Variants in DLGAP1 observed in about 807,000 individuals in gnomAD.
The protein encoded by DLGAP1 is DLG associated protein 1.
In DLGAP1, 11 loss-of-function variants were observed where a neutral mutation model predicts 90.8. That is an observed-to-expected ratio of 0.12 (90% CI 0.08 to 0.20). The LOEUF (loss-of-function observed/expected upper bound fraction) is 0.20. DLGAP1 is among the 10% of genes least tolerant of loss of function. The pLI is 1.00. For missense variants in DLGAP1, 1,050 were observed against 1,333.8 expected (o/e 0.79, Z 3.31); for synonymous variants, 558 against 540.7 (o/e 1.03, Z -0.44).
intron 4 of DLGAP1, among the ~76,000 whole-genome samples, chr18:3,830,534 C>G (rs1385360168): frequency 6.6e-6 from 1 of 152,206 alleles, no homozygotes; most frequent in Non-Finnish European, 1.5e-5. Flanking sequence ...CCATTGCACT[C>G]CAGCCTGGGA....
chr18:4,336,100 C>T (rs186001792), intron 1 of DLGAP1, among the ~76,000 whole-genome samples: 5 of 152,322 alleles, frequency 3.3e-5, no homozygotes, highest in South Asian at 2.1e-4. Flanking sequence ...TACTGCAGTA[C>T]GTCTATTACA....
chr18:3,703,023 G>A (rs1356269632), intron 7 of DLGAP1, among the ~76,000 whole-genome samples: 2 of 152,152 alleles, frequency 1.3e-5, no homozygotes, highest in Non-Finnish European at 2.9e-5. Context: ...TTCTGTGAAG[G>A]CAGGATCAGC....
intron 5 of DLGAP1, among the ~76,000 whole-genome samples, chr18:3,791,291 A>G (rs2065722577): frequency 6.6e-6 from 1 of 152,262 alleles, no homozygotes; most frequent in South Asian, 2.1e-4. Context: ...GGCTTAATAT[A>G]GCGTAGCAGT....
intron 7 of DLGAP1, among the ~76,000 whole-genome samples, chr18:3,612,227 T>C (rs189634801): frequency 3.4e-4 from 51 of 152,224 alleles, no homozygotes; most frequent in African/African-American, 1.2e-3. Context: ...GAGGCCGACC[T>C]TGATTTAAAA....
intron 2 of DLGAP1, among the ~76,000 whole-genome samples, chr18:4,075,995 GCTCTCC>G (rs955487068): frequency 3.3e-5 from 5 of 152,086 alleles, no homozygotes; most frequent in African/African-American, 1.2e-4. Context: ...ACTCTTGGTC[GCTCTCC>G]CTCTCCCTCT....
chr18:3,705,336 G>T (rs2061399989), intron 7 of DLGAP1, among the ~76,000 whole-genome samples: 1 of 151,132 alleles, frequency 6.6e-6, no homozygotes, highest in African/African-American at 2.4e-5. Context: ...ACTTCAGGGG[G>T]TTAGAATGCA....
chr18:3,504,773 T>C (rs1460302853), intron 11 of DLGAP1, among the ~76,000 whole-genome samples: 1 of 152,100 alleles, frequency 6.6e-6, no homozygotes, highest in Non-Finnish European at 1.5e-5. Context: ...ATTAAGAAGA[T>C]AGATAGAGAA....
At chr18:3,587,334 C>T (rs2055947067) in intron 7 of DLGAP1, among the ~76,000 whole-genome samples, 1 of 152,204 alleles carries the variant, frequency 6.6e-6, no homozygotes, top group Non-Finnish European at 1.5e-5. Context: ...GGATTACAGG[C>T]ATGAGCCACC....
At chr18:4,335,392 T>C (rs940600206) in intron 1 of DLGAP1, among the ~76,000 whole-genome samples, 1 of 151,966 alleles carries the variant, frequency 6.6e-6, no homozygotes, top group African/African-American at 2.4e-5. Context: ...TGGAATTAAC[T>C]CAGTGCCTTG....
At chr18:3,878,395 C>T (rs2071057227) in intron 4 of DLGAP1, 4 of 152,128 alleles carry the variant, frequency 2.6e-5, no homozygotes, top group Admixed American at 2.6e-4. Flanking sequence ...GAAGAGCAGC[C>T]TACCGTGGCT....
intron 2 of DLGAP1, among the ~76,000 whole-genome samples, chr18:4,144,912 G>C (rs180851141): frequency 6.6e-6 from 1 of 152,254 alleles, no homozygotes; most frequent in Admixed American, 6.5e-5. Context: ...CATTCTTACA[G>C]TATAAACAAA....
At chr18:3,715,537 A>G (rs1267233638) in intron 7 of DLGAP1, among the ~76,000 whole-genome samples, 3 of 152,200 alleles carry the variant, frequency 2.0e-5, no homozygotes, top group Admixed American at 2.0e-4. Context: ...CTCTGAATGG[A>G]TAACGATGAT....
Position 4,413,606 on chromosome 18 carries a change from C to T in DLGAP1, c.-267+41400G>A, listed in dbSNP as rs939831546. Among the ~76,000 whole-genome samples the T allele has an allele frequency of 2.6e-5, 4 of 152,312 alleles. No individual in the cohort carries two copies. In the South Asian group the frequency reaches 8.3e-4, roughly 32 times the overall value. Reference sequence around the variant, plus strand: ...AGGATTGAATTCTAGGAAAGTTAATCTTAGTCAGAAACCAAACACAAAAGG... The same window carrying T: ...AGGATTGAATTCTAGGAAAGTTAATTTTAGTCAGAAACCAAACACAAAAGG... On this transcript the variant is annotated intron_variant, in intron 1 of 12. Coordinates refer to ENST00000315677, the MANE Select transcript of DLGAP1 (RefSeq NM_004746.4).
chr18:3,629,541 G>T (rs1265293027), intron 7 of DLGAP1, among the ~76,000 whole-genome samples: 1 of 151,876 alleles, frequency 6.6e-6, no homozygotes, highest in Non-Finnish European at 1.5e-5. Flanking sequence ...GCGTGTTGGT[G>T]GGCGCCTGTA....
At chr18:3,708,823 T>G (rs1015511565) in intron 7 of DLGAP1, among the ~76,000 whole-genome samples, 1 of 152,160 alleles carries the variant, frequency 6.6e-6, no homozygotes. Flanking sequence ...GACTCAGATA[T>G]GACTTTCTGA....
intron 7 of DLGAP1, among the ~76,000 whole-genome samples, chr18:3,662,806 T>C (rs2059731787): frequency 2.0e-5 from 3 of 152,236 alleles, no homozygotes; most frequent in Non-Finnish European, 2.9e-5. Context: ...ATCCACTCTT[T>C]GAGTGGGAAT....
intron 9 of DLGAP1, among the ~76,000 whole-genome samples, chr18:3,557,994 A>C (rs1470832966): frequency 1.3e-5 from 2 of 152,082 alleles, no homozygotes; most frequent in African/African-American, 4.8e-5. Context: ...ATCTAGGTGA[A>C]TGTTCCATAT....
intron 1 of DLGAP1, among the ~76,000 whole-genome samples, chr18:4,406,258 A>C (rs2082662676): frequency 6.6e-6 from 1 of 152,146 alleles, no homozygotes. Flanking sequence ...TCCATTTTTC[A>C]TCTGTGATGC....
intron 7 of DLGAP1, among the ~76,000 whole-genome samples, chr18:3,724,436 G>A (rs750970627): frequency 5.3e-5 from 8 of 152,126 alleles, no homozygotes; most frequent in Non-Finnish European, 8.8e-5. Flanking sequence ...TCAAAGTGAA[G>A]AATTTTCTTA....
Sources: gnomAD v4.1 joint callset for allele counts (sites outside exome capture counted in the v4.1 genomes callset) on GRCh38, gnomAD v4.1.1 for gene constraint, MANE v1.5 for transcripts, NCBI Gene and HGNC (gene_info 2026-07-23, HGNC 2026-07-21) for gene names.